The following SRCIN1 variants were observed in gnomAD, a reference collection of about 807,000 sequenced individuals.
SRCIN1 encodes the protein P130Cas-associated protein.
SRCIN1 carries 50 observed loss-of-function variants against 116.2 expected under a neutral mutation model. The ratio of observed to expected loss-of-function variants is 0.43; its 90% CI spans 0.34 to 0.54. The LOEUF (loss-of-function observed/expected upper bound fraction) is 0.54. Among genes scored for constraint, SRCIN1 ranks in the 20% least tolerant of loss-of-function variants. SRCIN1 has a pLI of 0.02. For synonymous variants in SRCIN1, 736 were observed against 750.0 expected (o/e 0.98, Z 0.30); for missense variants, 1,446 against 1,672.0 (o/e 0.86, Z 2.36).
At chr17:38,590,517 T>C (rs1908384331) in intron 1 of SRCIN1, among the ~76,000 whole-genome samples, 1 of 152,244 alleles carries the variant, frequency 6.6e-6, no homozygotes, top group Non-Finnish European at 1.5e-5. Context: ...ATTACAGGCA[T>C]GAGCCACTGC....
chr17:38,564,363 C>T (rs756218943), intron 3 of SRCIN1, 50 bp from the exon 4 acceptor site: 15 of 1,373,410 alleles, frequency 1.1e-5, no homozygotes, highest in African/African-American at 5.6e-5. Context: ...CACCCCCCCT[C>T]CCCTTTGCTT....
chr17:38,565,769 C>A (rs1429875706), intron 3 of SRCIN1, among the ~76,000 whole-genome samples: 7 of 152,196 alleles, frequency 4.6e-5, no homozygotes, highest in Non-Finnish European at 8.8e-5. Context: ...GGTTTGGGGA[C>A]CATAATAGAT....
rs1293682445 is a variant in SRCIN1 at position 38,578,587 on chromosome 17, G to A, written c.227C>T (p.Ala76Val). The A allele has an allele frequency of 6.2e-7, 1 of 1,612,114 alleles. No homozygotes were observed. The highest frequency in any genetic ancestry group is 8.5e-7 in the Non-Finnish European group (1 of 1,179,026). Reference protein sequence around the residue: ...EALSGLQKADADRKRDAFMDH... With the variant: ...EALSGLQKADVDRKRDAFMDH... Reference sequence around the variant, plus strand: ...CATGAAGGCATCACGCTTGCGGTCGGCGTCCGCCTTCTGGAGCCCGCTGAG... The same window carrying A: ...CATGAAGGCATCACGCTTGCGGTCGACGTCCGCCTTCTGGAGCCCGCTGAG... The change falls in exon 2 of 19, where the codon GCC becomes GTC. Residue 76 changes from alanine to valine, a missense_variant. Physicochemically the swap from Ala to Val is moderately conservative, Grantham distance 64. Around this residue, in one of 5 missense-constraint regions of SRCIN1, gnomAD observed 246 missense variants for 265.1 expected, o/e 0.93. Transcript: ENST00000617146.
chr17:38,533,447 G>A lies in SRCIN1; in HGVS notation c.3418-16C>T. 6.2e-7 allele frequency: 1 copy of A among 1,611,400 alleles called. No individual in the cohort carries two copies. Among genetic ancestry groups the A allele is most frequent in the Non-Finnish European group, 8.5e-7 (1 of 1,178,834 alleles). On this transcript the variant is annotated splice_polypyrimidine_tract_variant and intron_variant, in intron 18 of 18. Coordinates refer to ENST00000617146, the MANE Select transcript of SRCIN1 (RefSeq NM_025248.3). ...GTTTAGTGGCCTGGAACAAAAACAG[G>A]GGTCAGGGGTCAGAGAGCGGAAGGG...
chr17:38,576,449 T>C (rs1487071588), intron 2 of SRCIN1, among the ~76,000 whole-genome samples: 1 of 152,094 alleles, frequency 6.6e-6, no homozygotes, highest in African/African-American at 2.4e-5. Context: ...AGAACATTCC[T>C]GGTCCCCTTT....
At chr17:38,573,157 G>T (rs1051529253) in intron 2 of SRCIN1, among the ~76,000 whole-genome samples, 3 of 152,208 alleles carry the variant, frequency 2.0e-5, no homozygotes, top group Non-Finnish European at 4.4e-5. Flanking sequence ...ATCCCTAAAG[G>T]TCCCGCCTGG....
chr17:38,550,316 G>A (rs113359513), intron 15 of SRCIN1, among the ~76,000 whole-genome samples: 104 of 151,974 alleles, frequency 6.8e-4, no homozygotes, highest in Admixed American at 1.5e-3. Context: ...AACACGGTGA[G>A]ACCCCATCTC....
At chr17:38,555,788 G>A (rs961663342) in intron 11 of SRCIN1, among the ~76,000 whole-genome samples, 1 of 152,166 alleles carries the variant, frequency 6.6e-6, no homozygotes, top group Non-Finnish European at 1.5e-5. Flanking sequence ...TCTACCACAT[G>A]GGAAAGAACA....
In SRCIN1 at chr17:38,533,404, C is replaced by G; in HGVS notation, c.3445G>C (p.Gly1149Arg). 1 of 1,612,962 alleles carries G rather than the reference C, an allele frequency of 6.2e-7. No individual in the cohort carries two copies. Among genetic ancestry groups the G allele is most frequent in the South Asian group, 1.1e-5 (1 of 90,724 alleles). ...QATKPSKEMS[G>R]SNETSSPVSE... is the part of the protein sequence containing the mutation. ...ACTGGGCTCGAGGTCTCATTCGACCCGCTCATCTCTTTAGATGGTTTAGTG... is the reference window on the plus strand; with the variant it reads ...ACTGGGCTCGAGGTCTCATTCGACCGGCTCATCTCTTTAGATGGTTTAGTG... The change falls in exon 19 of 19, where the codon GGG (glycine) becomes CGG (arginine). Residue 1149 changes from glycine (G) to arginine (R), a missense_variant. Gly to Arg is a moderately radical substitution (Grantham distance 125). Coordinates refer to ENST00000617146, the MANE Select transcript of SRCIN1 (RefSeq NM_025248.3).
chr17:38,538,727 G>A (rs908546444), intron 18 of SRCIN1, among the ~76,000 whole-genome samples: 2 of 152,100 alleles, frequency 1.3e-5, no homozygotes, highest in African/African-American at 2.4e-5. Context: ...TCACAAGCGC[G>A]ATCTCATCGA....
In SRCIN1 at chr17:38,537,866, C is replaced by T. The variant is rs1255863438; in HGVS notation, c.3418-4435G>A. On this transcript the variant is annotated intron_variant, in intron 18 of 18. Coordinates refer to ENST00000617146, the MANE Select transcript of SRCIN1 (RefSeq NM_025248.3). The stretch of plus-strand genomic sequence containing the variant: ...CCTGTAATCCCAGCACTTTGGGAGG[C>T]TGAGGTGGGTGGATCACAAGGTCGG... Among the ~76,000 whole-genome samples, 6 of 151,306 alleles carry T rather than the reference C, an allele frequency of 4.0e-5. No homozygotes were observed. The East Asian group carries it at 7.7e-4, about 20-fold the overall frequency.
chr17:38,536,125 C>T (rs1904364678), intron 18 of SRCIN1, among the ~76,000 whole-genome samples: 1 of 152,180 alleles, frequency 6.6e-6, no homozygotes, highest in Admixed American at 6.5e-5. Context: ...TGCCTCGTCC[C>T]CGTCCCGCTT....
intron 1 of SRCIN1, among the ~76,000 whole-genome samples, chr17:38,601,977 G>T (rs375369160): frequency 2.0e-5 from 3 of 152,134 alleles, no homozygotes; most frequent in Non-Finnish European, 2.9e-5. Context: ...CAGGGAGCGG[G>T]AGGGGAGGAA....
At position 38,595,995 on chromosome 17, in the gene SRCIN1, C is replaced by A. The variant is rs534584759; in HGVS notation, c.22+9689G>T. ...GGCCCTCCAGGCTGGGGAGGAGCATCTGACTACGGAGAGCTGGAGAGCTGG... is the reference window on the plus strand; with the variant it reads ...GGCCCTCCAGGCTGGGGAGGAGCATATGACTACGGAGAGCTGGAGAGCTGG... On this transcript the variant is annotated intron_variant, in intron 1 of 18. Coordinates refer to ENST00000617146, the MANE Select transcript of SRCIN1 (RefSeq NM_025248.3). 3.4e-5 allele frequency among the ~76,000 whole-genome samples: 5 copies of A among 149,242 alleles called. No individual in the cohort carries two copies. In the South Asian group the frequency reaches 1.0e-3, roughly 31 times the overall value.
At chr17:38,533,501 G>C in intron 18 of SRCIN1, 70 bp from the exon 19 acceptor site, 1 of 1,370,720 alleles carries the variant, frequency 7.3e-7, no homozygotes, top group Non-Finnish European at 9.9e-7. Context: ...CCCAGCTGAA[G>C]TTTTAAAAGT....
intron 2 of SRCIN1, among the ~76,000 whole-genome samples, chr17:38,573,272 C>T (rs1286625342): frequency 3.3e-5 from 5 of 152,228 alleles, no homozygotes; most frequent in African/African-American, 2.4e-5. Flanking sequence ...CTTTAACTCT[C>T]CCGTGACTTA....
chr17:38,601,906 AGACGAG>A (rs1909056751), intron 1 of SRCIN1, among the ~76,000 whole-genome samples: 1 of 152,010 alleles, frequency 6.6e-6, no homozygotes, highest in African/African-American at 2.4e-5. Flanking sequence ...GCAGAAGAAG[AGACGAG>A]GACAGGGTTA....
chr17:38,546,616 G>A (rs2143049340), intron 17 of SRCIN1: 2 of 152,618 alleles, frequency 1.3e-5, no homozygotes, highest in Middle Eastern at 3.4e-3. Flanking sequence ...AGCCGGAAAG[G>A]GGCAGGGCTT....
chr17:38,549,910 G>A (rs1055601465), intron 15 of SRCIN1, among the ~76,000 whole-genome samples: 1 of 152,174 alleles, frequency 6.6e-6, no homozygotes, highest in African/African-American at 2.4e-5. Flanking sequence ...TGCACACGCT[G>A]TTCCCTCACC....
Sources: allele counts gnomAD v4.1 joint callset (sites outside exome capture counted in the v4.1 genomes callset), GRCh38; gene constraint gnomAD v4.1.1; regional missense constraint gnomAD v4.1.1; transcripts MANE v1.5; gene names NCBI Gene and HGNC (gene_info 2026-07-23, HGNC 2026-07-21).